NAALADL2: variants seen among roughly 807,000 people sequenced by gnomAD.
The protein encoded by NAALADL2 is inactive N-acetylated-alpha-linked acidic dipeptidase-like protein 2.
In NAALADL2, 76 loss-of-function variants were observed where a neutral mutation model predicts 87.2. That is an observed-to-expected ratio of 0.87 (90% CI 0.72 to 1.05). NAALADL2 has a LOEUF of 1.05. NAALADL2 is among the 50% of genes least tolerant of loss of function. The pLI, the probability that NAALADL2 is intolerant of heterozygous loss-of-function variation, is 0.00. For synonymous variants in NAALADL2, 354 were observed against 331.0 expected, an observed-to-expected ratio of 1.07 and a Z score of -0.75; for missense variants, 1,089 against 945.8, an observed-to-expected ratio of 1.15 and a Z score of -1.99.
At position 174,830,789 on chromosome 3, in the gene NAALADL2, G is replaced by A. The variant is rs538806313; in HGVS notation, c.-9+93043G>A. Among the ~76,000 whole-genome samples the A allele has an allele frequency of 4.6e-5, 7 of 152,234 alleles. No homozygotes were observed. In the South Asian group the frequency reaches 1.0e-3, roughly 23 times the overall value. On this transcript the variant is annotated intron_variant, in intron 3 of 3. Transcript: ENST00000434257. Reference sequence around the variant, plus strand: ...GTATCCTCTTTTATTTCCTTGAGCAGTAGTTTGTAGTTCTCCTTGAAGAGG... The same window carrying A: ...GTATCCTCTTTTATTTCCTTGAGCAATAGTTTGTAGTTCTCCTTGAAGAGG...
intron 2 of NAALADL2, among the ~76,000 whole-genome samples, chr3:174,649,938 G>A (rs529904457): frequency 6.6e-6 from 1 of 152,060 alleles, no homozygotes; most frequent in South Asian, 2.1e-4. Flanking sequence ...AGCATTTCTT[G>A]CACTTCTCTT....
At chr3:175,784,435 A>T (rs1294226391) in intron 13 of NAALADL2, among the ~76,000 whole-genome samples, 4 of 143,214 alleles carry the variant, frequency 2.8e-5, no homozygotes, top group East Asian at 4.2e-4. Flanking sequence ...GTCTTGGGAG[A>T]GTGTATGTGT....
chr3:175,491,665 A>G lies in NAALADL2; in HGVS notation c.1653+19907A>G, dbSNP rs190453559. 6.6e-4 allele frequency among the ~76,000 whole-genome samples: 100 copies of G among 152,282 alleles called. 1 individual carries two copies. In the East Asian group the frequency reaches 0.012, roughly 19 times the overall value. The stretch of plus-strand genomic sequence containing the variant: ...GACAAGGCACACTGAAATGTACTAC[A>G]CTATAAAATATCCTTATGGAACAAG... On this transcript the variant is annotated intron_variant, in intron 9 of 13. Transcript: ENST00000454872.
intron 9 of NAALADL2, among the ~76,000 whole-genome samples, chr3:175,481,894 T>C (rs1726527756): frequency 6.6e-6 from 1 of 151,852 alleles, no homozygotes; most frequent in Admixed American, 6.6e-5. Flanking sequence ...TAACCTACGG[T>C]AAAAGAAATC....
chr3:175,694,548 G>T (rs1737484892), intron 11 of NAALADL2, among the ~76,000 whole-genome samples: 2 of 151,902 alleles, frequency 1.3e-5, no homozygotes, highest in East Asian at 3.9e-4. Context: ...TAATTTTGGG[G>T]GCATTCATAT....
intron 2 of NAALADL2, among the ~76,000 whole-genome samples, chr3:175,131,973 C>CA (rs1728030134): frequency 8.5e-6 from 1 of 118,078 alleles, no homozygotes; most frequent in Non-Finnish European, 1.8e-5. Context: ...ACCTCCCGGA[C>CA]GGGGCAGCTG....
chr3:174,574,302 T>G (rs2108543085), intron 2 of NAALADL2, among the ~76,000 whole-genome samples: 1 of 152,292 alleles, frequency 6.6e-6, no homozygotes, highest in African/African-American at 2.4e-5. Context: ...TGAAACTTTC[T>G]AACTTATACT....
intron 2 of NAALADL2, among the ~76,000 whole-genome samples, chr3:174,698,005 C>T (rs903715613): frequency 1.3e-5 from 2 of 152,058 alleles, no homozygotes; most frequent in East Asian, 1.9e-4. Context: ...CCAGGAGAAT[C>T]GCTTGAACCC....
chr3:175,323,871 A>G (rs1383402224), intron 4 of NAALADL2, among the ~76,000 whole-genome samples: 1 of 150,140 alleles, frequency 6.7e-6, no homozygotes, highest in Non-Finnish European at 1.5e-5. Flanking sequence ...CAAAAAAATT[A>G]GCCGGGTGTG....
chr3:174,914,554 A>G (rs1560357874), intron 1 of NAALADL2, among the ~76,000 whole-genome samples: 1 of 152,150 alleles, frequency 6.6e-6, no homozygotes, highest in Admixed American at 6.6e-5. Context: ...GACTAATGCT[A>G]TTGTCATGGT....
intron 6 of NAALADL2, among the ~76,000 whole-genome samples, chr3:175,458,920 G>C (rs1192294481): frequency 1.3e-5 from 2 of 152,058 alleles, no homozygotes; most frequent in African/African-American, 4.8e-5. Flanking sequence ...TTCTCACTTT[G>C]CTTCAATGGC....
At chr3:174,610,251 A>G (rs955808592) in intron 2 of NAALADL2, among the ~76,000 whole-genome samples, 1 of 152,004 alleles carries the variant, frequency 6.6e-6, no homozygotes, top group East Asian at 1.9e-4. Context: ...GGACATAGGC[A>G]TGGGCAAGGA....
At chr3:174,984,820 G>T (rs1032072633) in intron 1 of NAALADL2, among the ~76,000 whole-genome samples, 1 of 152,164 alleles carries the variant, frequency 6.6e-6, no homozygotes, top group Non-Finnish European at 1.5e-5. Context: ...GTGAAGGCTA[G>T]TGTTTTCAGA....
chr3:174,855,999 T>C (rs1725827633), upstream of NAALADL2, among the ~76,000 whole-genome samples: 1 of 131,928 alleles, frequency 7.6e-6, no homozygotes, highest in Admixed American at 8.0e-5. Flanking sequence ...TATATATATA[T>C]ATATGAGAGA....
intron 11 of NAALADL2, among the ~76,000 whole-genome samples, chr3:175,699,686 A>G (rs1418578354): frequency 6.6e-6 from 1 of 152,144 alleles, no homozygotes; most frequent in Non-Finnish European, 1.5e-5. Context: ...AAAATTAAGT[A>G]CAGAATTAGA....
At chr3:175,444,848 T>C (rs1720434181) in intron 5 of NAALADL2, among the ~76,000 whole-genome samples, 2 of 152,196 alleles carry the variant, frequency 1.3e-5, no homozygotes, top group Admixed American at 1.3e-4. Flanking sequence ...ATCTTTATTA[T>C]TTTTTCTTCA....
chr3:175,549,128 T>C (rs996264846), intron 9 of NAALADL2, among the ~76,000 whole-genome samples: 1 of 130,052 alleles, frequency 7.7e-6, no homozygotes, highest in African/African-American at 2.9e-5. Flanking sequence ...ATACATACAG[T>C]TTTGAGATTA....
Position 175,750,562 on chromosome 3 carries a change from G to A in NAALADL2, c.1991-4658G>A, listed in dbSNP as rs547403335. 4.6e-5 allele frequency among the ~76,000 whole-genome samples: 7 copies of A among 152,262 alleles called. No individual in the cohort carries two copies. The South Asian group carries it at 1.4e-3, about 32-fold the overall frequency. On this transcript the variant is annotated intron_variant, in intron 12 of 13. Coordinates refer to ENST00000454872, the MANE Select transcript of NAALADL2 (RefSeq NM_207015.3). The stretch of plus-strand genomic sequence containing the variant: ...ATCCTCTACGATAGTGAGGACTAAG[G>A]GATGAGGCTGGAAAGACATTAATAA...
intron 2 of NAALADL2, among the ~76,000 whole-genome samples, chr3:174,618,031 A>G (rs977879737): frequency 6.6e-6 from 1 of 151,766 alleles, no homozygotes; most frequent in Non-Finnish European, 1.5e-5. Context: ...TTAGATATGA[A>G]GAAGAAATTC....
Sources: gnomAD v4.1 joint callset for allele counts (sites outside exome capture counted in the v4.1 genomes callset) on GRCh38, gnomAD v4.1.1 for gene constraint, MANE v1.5 for transcripts, NCBI Gene and HGNC (gene_info 2026-07-23, HGNC 2026-07-21) for gene names.